Variants in GLE1 observed in about 807,000 individuals in gnomAD.
GLE1 encodes the protein mRNA export factor GLE1.
GLE1 carries 78 observed loss-of-function variants against 97.3 expected under a neutral mutation model. The observed-to-expected ratio is 0.80, with a 90% CI of 0.67 to 0.97. The LOEUF (loss-of-function observed/expected upper bound fraction) is 0.97. Ranked by LOEUF, GLE1 falls within the 50% of genes least tolerant of loss-of-function variation. The probability of loss-of-function intolerance (pLI) is 0.00; values close to 1 mark genes in which losing one functional copy is unlikely to be tolerated. For synonymous variants in GLE1, 302 were observed against 313.4 expected, an observed-to-expected ratio of 0.96 and a Z score of 0.39; for missense variants, 753 against 857.5, an observed-to-expected ratio of 0.88 and a Z score of 1.52.
chr9:128,524,072 C>CTTTT (rs67466089), intron 6 of GLE1, among the ~76,000 whole-genome samples: 169 of 69,956 alleles, frequency 2.4e-3, no homozygotes, highest in African/African-American at 6.9e-3. Flanking sequence ...ATTCTGGAGT[C>CTTTT]TTTTTTTTTT....
rs761284253 is a variant in GLE1, at chr9:128,523,782, C to T, written c.833C>T (p.Ala278Val). Residue 278 changes from alanine to valine, a missense_variant, in exon 6 of 16, where the codon GCC becomes GTC. Ala to Val is a moderately conservative substitution (Grantham distance 64). Transcript: ENST00000309971. The stretch of plus-strand genomic sequence containing the variant: ...GCCCTGCTTAAGGTCGACCTGGCTG[C>T]CTTCCAGACCCGAGGCAACCAGCTG... ...HKALLKVDLA[A>V]FQTRGNQLCS... 6.2e-7 allele frequency: 1 copy of T among 1,614,014 alleles called. No homozygotes were observed. The highest frequency in any genetic ancestry group is 1.1e-5 in the South Asian group (1 of 91,074).
intron 11 of GLE1, among the ~76,000 whole-genome samples, chr9:128,534,792 C>T (rs756446464): frequency 6.6e-5 from 10 of 151,808 alleles, no homozygotes; most frequent in Non-Finnish European, 1.5e-4. Context: ...GATCTCAGCT[C>T]ACTGCAACCT....
rs556026279 is a variant in GLE1, at chr9:128,517,214, C to T, written c.432+1575C>T. ...CTGAGGCAGGAGAATCACTTGAACCCGGGAGGCAGAGGTGGCAGTGAGCCA... is the reference window on the plus strand; with the variant it reads ...CTGAGGCAGGAGAATCACTTGAACCTGGGAGGCAGAGGTGGCAGTGAGCCA... On this transcript the variant is annotated intron_variant, in intron 3 of 15. Coordinates refer to ENST00000309971, the MANE Select transcript of GLE1 (RefSeq NM_001003722.2). Among the ~76,000 whole-genome samples, 9 of 151,766 alleles carry T rather than the reference C, an allele frequency of 5.9e-5. No homozygotes were observed. The South Asian group carries it at 8.3e-4, about 14-fold the overall frequency.
chr9:128,519,498 C>G (rs1023306923), intron 3 of GLE1, among the ~76,000 whole-genome samples: 16 of 152,160 alleles, frequency 1.1e-4, no homozygotes. Context: ...CCCCAGTCTC[C>G]CATAGCGCTC....
chr9:128,505,005 C>A, intron 1 of GLE1, 101 bp downstream of exon 1: 2 of 761,218 alleles, frequency 2.6e-6, no homozygotes, highest in South Asian at 2.8e-5. Context: ...CCCGTGCAGT[C>A]TAACAACCTG....
At chr9:128,537,947 A>C (rs535919416) in intron 12 of GLE1, 39 bp from the exon 13 acceptor site, 2 of 1,193,884 alleles carry the variant, frequency 1.7e-6, no homozygotes, top group Admixed American at 3.4e-5. Flanking sequence ...ATTTCTAAAC[A>C]AAATGAGATC....
In GLE1 at chr9:128,527,088, T is replaced by G. The variant is rs1268669480; in HGVS notation, c.1130-91T>G. The G allele has an allele frequency of 4.0e-6, 3 of 746,434 alleles. No individual in the cohort carries two copies. In the Admixed American group the frequency reaches 5.9e-5, roughly 15 times the overall value. 46.2% of individuals were successfully genotyped at this position (746,434 alleles called of 1,614,324 possible). On this transcript the variant is annotated intron_variant, in intron 7 of 15. Transcript: ENST00000309971. ...TTATGGTGACAGTTAAAGCAGTCAG[T>G]ACATACATAAAGTGATTATAACAGT...
intron 3 of GLE1, among the ~76,000 whole-genome samples, chr9:128,518,156 A>ATT (rs552374884): frequency 2.1e-5 from 3 of 141,834 alleles, no homozygotes; most frequent in Non-Finnish European, 4.6e-5. Context: ...TGCCTGGCCT[A>ATT]TTTTTTTTTT....
chr9:128,517,670 A>G (rs189580711), intron 3 of GLE1, among the ~76,000 whole-genome samples: 30 of 152,138 alleles, frequency 2.0e-4, no homozygotes, highest in African/African-American at 7.0e-4. Context: ...TTAATCCTCT[A>G]TATGTCCTAT....
Position 128,504,724 on chromosome 9 carries a change from C to T in GLE1, c.-82C>T, listed in dbSNP as rs1427037232. Reference sequence around the variant, plus strand: ...TGCGCGCGCGTCCCGGAAGCAGAAGCCTGTGTGGCCTTCCCGGCGGCTGAT... The same window carrying T: ...TGCGCGCGCGTCCCGGAAGCAGAAGTCTGTGTGGCCTTCCCGGCGGCTGAT... On this transcript the variant is annotated 5_prime_UTR_variant, in exon 1 of 16. Coordinates refer to ENST00000309971, the MANE Select transcript of GLE1 (RefSeq NM_001003722.2). 7 of 942,570 alleles carry T rather than the reference C, an allele frequency of 7.4e-6. No homozygotes were observed. The highest frequency in any genetic ancestry group is 1.2e-5 in the Non-Finnish European group (7 of 576,986). 58.4% of individuals were successfully genotyped at this position (942,570 alleles called of 1,614,324 possible).
At chr9:128,519,203 G>C (rs961939024) in intron 3 of GLE1, among the ~76,000 whole-genome samples, 4 of 152,158 alleles carry the variant, frequency 2.6e-5, no homozygotes, top group African/African-American at 9.7e-5. Flanking sequence ...TGTAGAGCAT[G>C]TGTGTTTGAA....
chr9:128,530,270 C>T (rs917033134), intron 9 of GLE1, among the ~76,000 whole-genome samples: 1 of 152,202 alleles, frequency 6.6e-6, no homozygotes, highest in Admixed American at 6.5e-5. Flanking sequence ...CTCTTAGCTG[C>T]CTCAAGTTTA....
chr9:128,540,035 T>C (rs575757406), intron 14 of GLE1, among the ~76,000 whole-genome samples: 1 of 151,882 alleles, frequency 6.6e-6, no homozygotes, highest in African/African-American at 2.4e-5. Flanking sequence ...GCCTGGGCAA[T>C]ATAGCAAGAC....
chr9:128,534,833 C>T (rs573132260), intron 11 of GLE1, among the ~76,000 whole-genome samples: 10 of 152,032 alleles, frequency 6.6e-5, no homozygotes, highest in African/African-American at 2.4e-4. Flanking sequence ...ATTATCCTGC[C>T]TCAGCCTCCC....
At chr9:128,520,412 A>ATGTGTG (rs1847118365) in intron 3 of GLE1, among the ~76,000 whole-genome samples, 1 of 144,624 alleles carries the variant, frequency 6.9e-6, no homozygotes, top group Non-Finnish European at 1.5e-5. Flanking sequence ...GTATATATGT[A>ATGTGTG]TATATATGTA....
chr9:128,522,669 A>C lies in GLE1; in HGVS notation c.434A>C (p.Glu145Ala). ...AAAAAAAAAAAAAAACCTTTTCAGG[A>C]GGGCCTGAGGCTATGGCAGGAGGAG... ...YELVHRMKGTEGLRLWQEEQE... is the reference protein window; with the variant it reads ...YELVHRMKGTAGLRLWQEEQE... The change falls in exon 4 of 16, where the codon GAG becomes GCG. Residue 145 changes from glutamate to alanine, a missense_variant and splice_region_variant. Transcript: ENST00000309971. The C allele has an allele frequency of 1.6e-6, 2 of 1,230,494 alleles. No individual in the cohort carries two copies. Among genetic ancestry groups the C allele is most frequent in the Non-Finnish European group, 2.3e-6 (2 of 855,322 alleles). 76.2% of individuals were successfully genotyped at this position (1,230,494 alleles called of 1,614,324 possible).
intron 1 of GLE1, 36 bp downstream of exon 1, chr9:128,504,940 GC>G (rs763578987): frequency 7.1e-7 from 1 of 1,413,546 alleles, no homozygotes; most frequent in South Asian, 1.1e-5. Flanking sequence ...GGCCTTTCCG[GC>G]CCCTCGCGAC....
chr9:128,516,227 G>C (rs1353259080), intron 3 of GLE1, among the ~76,000 whole-genome samples: 1 of 152,134 alleles, frequency 6.6e-6, no homozygotes, highest in African/African-American at 2.4e-5. Context: ...CAAGGTGCTG[G>C]GATTACAGGC....
intron 9 of GLE1, among the ~76,000 whole-genome samples, chr9:128,530,651 T>C (rs888196520): frequency 6.6e-6 from 1 of 152,042 alleles, no homozygotes; most frequent in Non-Finnish European, 1.5e-5. Flanking sequence ...GGTTCACGCC[T>C]GTAATCCCAG....
Sources: gnomAD v4.1 joint callset for allele counts (sites outside exome capture counted in the v4.1 genomes callset) on GRCh38, gnomAD v4.1.1 for gene constraint, MANE v1.5 for transcripts, NCBI Gene and HGNC (gene_info 2026-07-23, HGNC 2026-07-21) for gene names.